Variants in PRKCG observed in about 807,000 individuals in gnomAD.
PRKCG encodes the protein protein kinase C gamma, also known as protein kinase C gamma type.
A neutral mutation model predicts 82.0 loss-of-function variants in PRKCG; 28 were observed. That is an observed-to-expected ratio of 0.34 (90% CI 0.25 to 0.47). The LOEUF (loss-of-function observed/expected upper bound fraction) is 0.47. PRKCG is among the 20% of genes least tolerant of loss of function. PRKCG has a pLI of 1.00. For synonymous variants in PRKCG, 383 were observed against 376.6 expected (o/e 1.02, Z -0.20); for missense variants, 640 against 952.7 (o/e 0.67, Z 4.32).
intron 15 of PRKCG, 48 bp from the exon 16 acceptor site, chr19:53,904,587 A>C (rs2068787769): frequency 3.9e-6 from 6 of 1,546,864 alleles, no homozygotes; most frequent in Non-Finnish European, 4.4e-6. Flanking sequence ...GGTTTGGGGA[A>C]AGGCAGTTGG....
Position 53,889,924 on chromosome 19 carries a change from G to A in PRKCG, c.436G>A (p.Val146Met), listed in dbSNP as rs2068659913. The A allele has an allele frequency of 6.3e-7, 1 of 1,583,820 alleles. No homozygotes were observed. The highest frequency in any genetic ancestry group is 8.6e-7 in the Non-Finnish European group (1 of 1,165,918). Reference protein sequence around the residue: ...MNVHRRCVRSVPSLCGVDHTE... With the variant: ...MNVHRRCVRSMPSLCGVDHTE... ...CGTGCACCGGCGCTGTGTGCGTAGC[G>A]TGCCCTCCCTGTGCGGTGTGGACCA... Residue 146 changes from valine (V) to methionine (M), a missense_variant, in exon 5 of 18, where the codon GTG (valine) becomes ATG (methionine). This residue lies in a region of PRKCG where 261 missense variants were observed against 312.1 expected (regional missense o/e 0.84). Coordinates refer to ENST00000263431, the MANE Select transcript of PRKCG (RefSeq NM_002739.5). This position sits in a 1 kb window ranked among gnomAD's most constrained non-coding sequence, Gnocchi z 4.4.
chr19:53,882,129 A>C, upstream of PRKCG: 2 of 300,100 alleles, frequency 6.7e-6, no homozygotes, highest in African/African-American at 2.3e-5. The surrounding 1 kb of genome is among the most constrained non-coding windows in gnomAD (Gnocchi z 6.1). Context: ...CCGGGAGGGG[A>C]GCGCCTTTAA....
Position 53,884,758 on chromosome 19 carries a change from C to T in PRKCG, c.285+515C>T, listed in dbSNP as rs1316481837. 2.6e-5 allele frequency among the ~76,000 whole-genome samples: 4 copies of T among 152,078 alleles called. No individual in the cohort carries two copies. The highest frequency in any genetic ancestry group is 2.0e-4 in the Admixed American group (3 of 15,276). ...AGATGGACAGAGAAACTCCAAGAGA[C>T]GGAGACACAGACACCTGGAGAAAGA... On this transcript the variant is annotated intron_variant, in intron 3 of 17. Transcript: ENST00000263431. The surrounding 1 kb of genome is among the most constrained non-coding windows in gnomAD (Gnocchi z 4.6).
rs2122972663 is a variant in PRKCG at position 53,882,425 on chromosome 19, A to G, written c.-70A>G. ...GGCTCCTTTGATCCTTCGAGTCTCCAGCTCCTCTCCCTTCCACCTGTTTCC... is the reference window on the plus strand; with the variant it reads ...GGCTCCTTTGATCCTTCGAGTCTCCGGCTCCTCTCCCTTCCACCTGTTTCC... On this transcript the variant is annotated 5_prime_UTR_variant, in exon 1 of 18. Coordinates refer to ENST00000263431, the MANE Select transcript of PRKCG (RefSeq NM_002739.5). This position sits in a 1 kb window ranked among gnomAD's most constrained non-coding sequence, Gnocchi z 6.1. 1.9e-6 allele frequency: 3 copies of G among 1,570,474 alleles called. No homozygotes were observed. Among genetic ancestry groups the G allele is most frequent in the Non-Finnish European group, 2.6e-6 (3 of 1,158,008 alleles).
chr19:53,882,161 T>C, upstream of PRKCG: 1 of 352,234 alleles, frequency 2.8e-6, no homozygotes, highest in East Asian at 9.6e-5. The surrounding 1 kb of genome is among the most constrained non-coding windows in gnomAD (Gnocchi z 6.1). Flanking sequence ...GCCCTCTCGG[T>C]CGTCCTGGCA....
rs2068821221 is a variant in PRKCG at position 53,907,248 on chromosome 19, G to A, written c.*353G>A. 3 of 377,434 alleles carry A rather than the reference G, an allele frequency of 7.9e-6. No individual in the cohort carries two copies. In the Admixed American group the frequency reaches 1.2e-4, roughly 16 times the overall value. 23.4% of individuals were successfully genotyped at this position (377,434 alleles called of 1,614,324 possible). On this transcript the variant is annotated 3_prime_UTR_variant, in exon 18 of 18. Transcript: ENST00000263431. ...AGTTCTGTGCCTCCCCCCAGACCCC[G>A]CCCCTGGGGAAATAGCCTCACGGGG...
rs1963278728 is a variant in PRKCG, at chr19:53,892,469, G to A, written c.687-40G>A. 6.3e-7 allele frequency: 1 copy of A among 1,598,038 alleles called. No homozygotes were observed. The highest frequency in any genetic ancestry group is 8.5e-7 in the Non-Finnish European group (1 of 1,175,710). On this transcript the variant is annotated intron_variant, in intron 6 of 17. Coordinates refer to ENST00000263431, the MANE Select transcript of PRKCG (RefSeq NM_002739.5). The surrounding 1 kb of genome is among the most constrained non-coding windows in gnomAD (Gnocchi z 5.9). ...AGGATGGGGAACCGAGGGGAGCCAT[G>A]AGCTCGGCTCTGCACCCCATCCACC...
In PRKCG at chr19:53,900,463, A is replaced by G; in HGVS notation, c.1418A>G (p.Asn473Ser). Reference sequence around the variant, plus strand: ...GCTATCGGCCTCTTCTTCCTTCACAATCAGGGCATCATCTACAGGTGAGCA... The same window carrying G: ...GCTATCGGCCTCTTCTTCCTTCACAGTCAGGGCATCATCTACAGGTGAGCA... ...EIAIGLFFLH[N>S]QGIIYRDLKL... The change falls in exon 13 of 18, where the codon AAT becomes AGT. Residue 473 changes from asparagine to serine, a missense_variant. Transcript: ENST00000263431. This position sits in a 1 kb window ranked among gnomAD's most constrained non-coding sequence, Gnocchi z 4.2. 1 of 1,614,096 alleles carries G rather than the reference A, an allele frequency of 6.2e-7. No individual in the cohort carries two copies. Among genetic ancestry groups the G allele is most frequent in the South Asian group, 1.1e-5 (1 of 91,082 alleles).
At chr19:53,897,423 C>A (rs1274249949) in intron 9 of PRKCG, among the ~76,000 whole-genome samples, 3 of 152,114 alleles carry the variant, frequency 2.0e-5, no homozygotes, top group South Asian at 2.1e-4. Context: ...ACTGGCAGCA[C>A]CCATGTCACC....
Position 53,891,796 on chromosome 19 carries a change from A to G in PRKCG, c.652A>G (p.Thr218Ala). The G allele has an allele frequency of 6.2e-7, 1 of 1,614,152 alleles. No homozygotes were observed. The highest frequency in any genetic ancestry group is 8.5e-7 in the Non-Finnish European group (1 of 1,180,022). ...TKQKTRTVKA[T>A]LNPVWNETFV... ...ACAGAAGACCCGAACGGTGAAAGCC[A>G]CGCTAAACCCTGTGTGGAATGAGAC... Residue 218 changes from threonine (T) to alanine (A), a missense_variant, in exon 6 of 18, where the codon ACG becomes GCG. By Grantham distance (58) the Thr-to-Ala change is moderately conservative. This residue lies in a region of PRKCG where 261 missense variants were observed against 312.1 expected (regional missense o/e 0.84). Coordinates refer to ENST00000263431, the MANE Select transcript of PRKCG (RefSeq NM_002739.5).
Position 53,904,621 on chromosome 19 carries a change from C to T in PRKCG, c.1657-14C>T. 1 of 1,609,466 alleles carries T rather than the reference C, an allele frequency of 6.2e-7. No homozygotes were observed. The highest frequency in any genetic ancestry group is 8.5e-7 in the Non-Finnish European group (1 of 1,177,718). On this transcript the variant is annotated splice_polypyrimidine_tract_variant and intron_variant, in intron 15 of 17. Transcript: ENST00000263431. ...GGGCATGTCCCTGACTCTCTATCCC[C>T]TCCACTTTGATAGCCTCCCTTCGAT...
At position 53,906,820 on chromosome 19, in the gene PRKCG, C is replaced by T; in HGVS notation, c.2019C>T (p.Phe673=). The T allele has an allele frequency of 6.2e-7, 1 of 1,613,816 alleles. No individual in the cohort carries two copies. The highest frequency in any genetic ancestry group is 8.5e-7 in the Non-Finnish European group (1 of 1,180,030). Residue 673 remains phenylalanine, a synonymous_variant, in exon 18 of 18, where the codon TTC becomes TTT. Transcript: ENST00000263431. ...ASIDQADFQG[F]TYVNPDFVHP... Reference sequence around the variant, plus strand: ...TCGACCAGGCCGATTTCCAGGGCTTCACCTACGTGAACCCCGACTTCGTGC... The same window carrying T: ...TCGACCAGGCCGATTTCCAGGGCTTTACCTACGTGAACCCCGACTTCGTGC...
chr19:53,882,392 T>G lies in PRKCG; in HGVS notation c.-103T>G. On this transcript the variant is annotated 5_prime_UTR_variant, in exon 1 of 18. The change creates a new upstream start codon in the 5' untranslated region. Transcript: ENST00000263431. The surrounding 1 kb of genome is among the most constrained non-coding windows in gnomAD (Gnocchi z 6.1). ...GCCCCTCTCCTGCCCACCTCGGAAT[T>G]TCCCTGTGGCTCCTTTGATCCTTCG... The G allele has an allele frequency of 6.6e-7, 1 of 1,520,046 alleles. No homozygotes were observed. Among genetic ancestry groups the G allele is most frequent in the East Asian group, 2.4e-5 (1 of 42,284 alleles). The allele number at this position is 1,520,046 out of a possible 1,614,324, so 94.2% of individuals were successfully genotyped here. A position where few individuals can be genotyped will look rare whatever the true frequency, so the allele number is the denominator to read the frequency against.
intron 11 of PRKCG, 80 bp downstream of exon 11, chr19:53,898,708 T>C (rs1049145593): frequency 1.6e-6 from 2 of 1,278,996 alleles, no homozygotes; most frequent in South Asian, 1.3e-5. Context: ...ATTCTGAGTT[T>C]AGGGCGAGGC....
chr19:53,893,558 AC>A, intron 9 of PRKCG, 167 bp downstream of exon 9: 1 of 771,300 alleles, frequency 1.3e-6, no homozygotes, highest in Non-Finnish European at 2.2e-6. Flanking sequence ...GATGAATCTG[AC>A]CCTCAAGCAA....
intron 5 of PRKCG, among the ~76,000 whole-genome samples, chr19:53,890,309 T>C (rs1017460557): frequency 7.9e-5 from 12 of 151,996 alleles, no homozygotes; most frequent in African/African-American, 2.9e-4. Context: ...CAAGCTGGAG[T>C]GCAATGGCGC....
At chr19:53,891,576 C>G in intron 5 of PRKCG, 98 bp from the exon 6 acceptor site, 2 of 1,509,950 alleles carry the variant, frequency 1.3e-6, no homozygotes, top group Non-Finnish European at 1.8e-6. Flanking sequence ...GCCGCCGTGC[C>G]TGGCCAAGCT....
At position 53,900,297 on chromosome 19, in the gene PRKCG, T is replaced by G; in HGVS notation, c.1346T>G (p.Leu449Arg). 6.2e-7 allele frequency: 1 copy of G among 1,614,184 alleles called. No individual in the cohort carries two copies. Among genetic ancestry groups the G allele is most frequent in the Middle Eastern group, 1.6e-4 (1 of 6,062 alleles). Reference sequence around the variant, plus strand: ...GACTTGATGTACCACATTCAACAGCTGGGCAAGTTTAAGGAGCCCCATGCA... The same window carrying G: ...GACTTGATGTACCACATTCAACAGCGGGGCAAGTTTAAGGAGCCCCATGCA... Reference protein sequence around the residue: ...GGDLMYHIQQLGKFKEPHAAF... With the variant: ...GGDLMYHIQQRGKFKEPHAAF... Residue 449 changes from leucine (L) to arginine (R), a missense_variant, in exon 12 of 18, where the codon CTG becomes CGG. Transcript: ENST00000263431. The surrounding 1 kb of genome is among the most constrained non-coding windows in gnomAD (Gnocchi z 4.2).
Position 53,892,750 on chromosome 19 carries a change from G to GCT in PRKCG, c.821+108_821+109insTC. ...TGTCCTTCCCTCTGCCTCCCAGCAT[G>GCT]CGCACACACACACACACACACACAC... On this transcript the variant is annotated intron_variant, in intron 7 of 17. Transcript: ENST00000263431. This position sits in a 1 kb window ranked among gnomAD's most constrained non-coding sequence, Gnocchi z 5.9. 8.6e-7 allele frequency: 1 copy of GCT among 1,168,654 alleles called. No homozygotes were observed. The highest frequency in any genetic ancestry group is 1.5e-5 in the South Asian group (1 of 68,784). 72.4% of individuals were successfully genotyped at this position (1,168,654 alleles called of 1,614,324 possible).
Sources: gnomAD v4.1 joint callset for allele counts (sites outside exome capture counted in the v4.1 genomes callset) on GRCh38, gnomAD v4.1.1 for gene constraint, gnomAD v4.1.1 regional missense constraint, Gnocchi (gnomAD v3.1) non-coding constraint, MANE v1.5 for transcripts, NCBI Gene and HGNC (gene_info 2026-07-23, HGNC 2026-07-21) for gene names.